QSER1: variants seen among roughly 807,000 people sequenced by gnomAD.
QSER1 encodes the protein glutamine and serine rich 1, also known as glutamine and serine-rich protein 1.
QSER1 carries 49 observed loss-of-function variants against 158.5 expected under a neutral mutation model. The observed-to-expected ratio is 0.31, with a 90% CI of 0.25 to 0.39. The LOEUF (loss-of-function observed/expected upper bound fraction) is 0.39, where lower values mean the gene tolerates loss of function less well. Among genes scored for constraint, QSER1 ranks in the 10% least tolerant of loss-of-function variants. The pLI, the probability that QSER1 is intolerant of heterozygous loss-of-function variation, is 1.00. For synonymous variants in QSER1, 650 were observed against 715.5 expected, an observed-to-expected ratio of 0.91 and a Z score of 1.46; for missense variants, 1,754 against 2,010.3, an observed-to-expected ratio of 0.87 and a Z score of 2.44.
chr11:32,952,066 C>T (rs936396690), intron 4 of QSER1, among the ~76,000 whole-genome samples: 3 of 152,124 alleles, frequency 2.0e-5, no homozygotes, highest in Admixed American at 1.3e-4. Flanking sequence ...TCTCGAACTC[C>T]TGATCTCAGG....
Position 32,979,347 on chromosome 11 carries a change from A to G in QSER1, c.*2873A>G, listed in dbSNP as rs931775398. On this transcript the variant is annotated 3_prime_UTR_variant, in exon 13 of 13. Transcript: ENST00000650167. ...TGGATTTTCCTACCTTTAGAGATCT[A>G]AAAAAAATTTAATATAAAAAATCAT... is the stretch of plus-strand genomic sequence containing the variant. The G allele has an allele frequency of 2.0e-5, 3 of 152,558 alleles. No homozygotes were observed. The highest frequency in any genetic ancestry group is 4.4e-5 in the Non-Finnish European group (3 of 68,014). The allele number at this position is 152,558 out of a possible 1,614,324, so 9.5% of individuals were successfully genotyped here.
rs750300571 is a variant in QSER1, at chr11:32,958,167, A to G, written c.4969+81A>G. On this transcript the variant is annotated intron_variant, in intron 8 of 12. Transcript: ENST00000650167. Reference sequence around the variant, plus strand: ...TGAGGAGCAGGATGCTGACAATTCAAAATGTATTTACTTTTCAGGGAATTT... The same window carrying G: ...TGAGGAGCAGGATGCTGACAATTCAGAATGTATTTACTTTTCAGGGAATTT... The G allele has an allele frequency of 4.5e-6, 5 of 1,102,994 alleles. No individual in the cohort carries two copies. In the East Asian group the frequency reaches 1.2e-4, roughly 27 times the overall value. 68.3% of individuals were successfully genotyped at this position (1,102,994 alleles called of 1,614,324 possible).
Position 32,934,621 on chromosome 11 carries a change from A to G in QSER1, c.3363A>G (p.Glu1121=). The G allele has an allele frequency of 6.2e-7, 1 of 1,613,730 alleles. No individual in the cohort carries two copies. The highest frequency in any genetic ancestry group is 8.5e-7 in the Non-Finnish European group (1 of 1,179,970). ...ATCTTGAATCTGAAGAAGACAGTGA[A>G]GCTCCTGTTGATAGTACATTAAATA... ...ATNLESEEDS[E]APVDSTLNNN... Residue 1121 remains glutamate, a synonymous_variant, in exon 4 of 13, where the codon GAA becomes GAG. Transcript: ENST00000650167.
In QSER1 at chr11:32,954,001, C is replaced by T; in HGVS notation, c.4322C>T (p.Ser1441Leu). 6.2e-7 allele frequency: 1 copy of T among 1,614,124 alleles called. No individual in the cohort carries two copies. The highest frequency in any genetic ancestry group is 8.5e-7 in the Non-Finnish European group (1 of 1,179,984). Residue 1441 changes from serine (S) to leucine (L), a missense_variant, in exon 5 of 13, where the codon TCA becomes TTA. By Grantham distance (145) the Ser-to-Leu change is moderately radical. Around this residue, in one of 2 missense-constraint regions of QSER1, gnomAD observed 1,707 missense variants for 1,919.6 expected, o/e 0.89. Transcript: ENST00000650167. ...AATATTCTGGAAAATATAAGCTCTT[C>T]AGAATCCTCAAAGCCCATTGAACTT... Reference protein sequence around the residue: ...AVNILENISSSESSKPIELDG... With the variant: ...AVNILENISSLESSKPIELDG...
rs898826678 is a variant in QSER1, at chr11:32,893,513, G to T, written c.209+179G>T. On this transcript the variant is annotated intron_variant, in intron 1 of 12. Coordinates refer to ENST00000650167, the MANE Select transcript of QSER1 (RefSeq NM_001076786.3). The surrounding 1 kb of genome is among the most constrained non-coding windows in gnomAD (Gnocchi z 4.7). ...CCTACGGGGTGGTCGCGGGTAGGTGGGGGCGCCCGGTGCAGGATTCGCGCC... is the reference window on the plus strand; with the variant it reads ...CCTACGGGGTGGTCGCGGGTAGGTGTGGGCGCCCGGTGCAGGATTCGCGCC... 6.6e-6 allele frequency among the ~76,000 whole-genome samples: 1 copy of T among 152,162 alleles called. No homozygotes were observed.
At position 32,924,484 on chromosome 11, in the gene QSER1, C is replaced by T. The variant is rs375152804; in HGVS notation, c.210-2673C>T. ...CTGAGGTGAGAGAATCACCTGAGCC[C>T]GGGAAGTGGAGGCTGTAGTGAGCCG... On this transcript the variant is annotated intron_variant, in intron 1 of 12. Coordinates refer to ENST00000650167, the MANE Select transcript of QSER1 (RefSeq NM_001076786.3). Among the ~76,000 whole-genome samples, 9 of 145,402 alleles carry T rather than the reference C, an allele frequency of 6.2e-5. No homozygotes were observed. The East Asian group carries it at 1.2e-3, about 20-fold the overall frequency.
At position 32,932,411 on chromosome 11, in the gene QSER1, G is replaced by T. The variant is rs766027982; in HGVS notation, c.1153G>T (p.Val385Phe). 6.2e-6 allele frequency: 10 copies of T among 1,612,786 alleles called. No homozygotes were observed. The highest frequency in any genetic ancestry group is 6.8e-6 in the Non-Finnish European group (8 of 1,179,974). The stretch of plus-strand genomic sequence containing the variant: ...AGGATTACAACAGAAGACCTCCCAG[G>T]TCTCAGTGGAACTTGCTCAGTCTTA... ...NGGLQQKTSQ[V>F]SVELAQSYSS... Residue 385 changes from valine (V) to phenylalanine (F), a missense_variant, in exon 4 of 13, where the codon GTC becomes TTC. Transcript: ENST00000650167.
intron 4 of QSER1, among the ~76,000 whole-genome samples, chr11:32,946,568 T>G (rs897659685): frequency 9.2e-5 from 14 of 152,232 alleles, no homozygotes; most frequent in African/African-American, 3.4e-4. Context: ...TGACCCACTT[T>G]AGGAGGCAGT....
chr11:32,946,590 C>T (rs1852335857), intron 4 of QSER1, among the ~76,000 whole-genome samples: 1 of 152,248 alleles, frequency 6.6e-6, no homozygotes, highest in Non-Finnish European at 1.5e-5. Flanking sequence ...TGCCCGTTCT[C>T]AGATCTCCAG....
chr11:32,902,049 C>G (rs1851632383), intron 1 of QSER1, among the ~76,000 whole-genome samples: 1 of 152,180 alleles, frequency 6.6e-6, no homozygotes, highest in Non-Finnish European at 1.5e-5. Context: ...TGCCACTGCA[C>G]TCCAGTGTGG....
At chr11:32,899,968 T>C (rs1851604414) in intron 1 of QSER1, among the ~76,000 whole-genome samples, 1 of 152,164 alleles carries the variant, frequency 6.6e-6, no homozygotes, top group East Asian at 1.9e-4. Context: ...TCCTCTAGCC[T>C]TCCCCACCTC....
intron 12 of QSER1, 27 bp from the exon 13 acceptor site, chr11:32,976,307 G>C: frequency 6.4e-7 from 1 of 1,562,988 alleles, no homozygotes; most frequent in African/African-American, 1.4e-5. Context: ...ATAAGTATAA[G>C]CTAATTTGGC....
intron 4 of QSER1, among the ~76,000 whole-genome samples, chr11:32,936,119 A>G (rs1852149332): frequency 6.6e-6 from 1 of 152,044 alleles, no homozygotes; most frequent in Non-Finnish European, 1.5e-5. Context: ...TACATGTGCC[A>G]TGTTGGTGGG....
chr11:32,904,204 T>C (rs1851661561), intron 1 of QSER1, among the ~76,000 whole-genome samples: 1 of 151,378 alleles, frequency 6.6e-6, no homozygotes, highest in African/African-American at 2.4e-5. Flanking sequence ...TTTTTTTTTT[T>C]TGTAGGGGAA....
At chr11:32,906,603 G>A (rs1301914218) in intron 1 of QSER1, among the ~76,000 whole-genome samples, 2 of 151,946 alleles carry the variant, frequency 1.3e-5, no homozygotes, top group Non-Finnish European at 2.9e-5. Context: ...TTGTAGAGAT[G>A]GGGTCTTGCT....
intron 4 of QSER1, among the ~76,000 whole-genome samples, chr11:32,953,064 G>A (rs1352712028): frequency 6.6e-6 from 1 of 152,040 alleles, no homozygotes. Flanking sequence ...GCCTCCCAAA[G>A]TGCTGGGATT....
intron 4 of QSER1, among the ~76,000 whole-genome samples, chr11:32,938,896 A>G (rs1852191539): frequency 6.6e-6 from 1 of 152,146 alleles, no homozygotes; most frequent in Non-Finnish European, 1.5e-5. Context: ...TCTTTTAGGC[A>G]AGATGGTACA....
At chr11:32,959,768 T>G (rs1267703794) in intron 8 of QSER1, among the ~76,000 whole-genome samples, 3 of 152,132 alleles carry the variant, frequency 2.0e-5, no homozygotes, top group Non-Finnish European at 4.4e-5. Flanking sequence ...ACCGTTTTTA[T>G]TTTTTATTTT....
At chr11:32,968,936 T>A in intron 9 of QSER1, 110 bp from the exon 10 acceptor site, 1 of 604,838 alleles carries the variant, frequency 1.7e-6, no homozygotes, top group Non-Finnish European at 2.8e-6. Flanking sequence ...ATTTTACATA[T>A]GCCAATGAAT....
Sources: gnomAD v4.1 joint callset for allele counts (sites outside exome capture counted in the v4.1 genomes callset) on GRCh38, gnomAD v4.1.1 for gene constraint, gnomAD v4.1.1 regional missense constraint, Gnocchi (gnomAD v3.1) non-coding constraint, MANE v1.5 for transcripts, NCBI Gene and HGNC (gene_info 2026-07-23, HGNC 2026-07-21) for gene names.